Variants in TUSC3 observed in about 807,000 individuals in gnomAD.
The protein encoded by TUSC3 is tumor suppressor candidate 3, also known as dolichyl-diphosphooligosaccharide--protein glycosyltransferase subunit TUSC3.
A neutral mutation model predicts 44.8 loss-of-function variants in TUSC3; 45 were observed. That is an observed-to-expected ratio of 1.00 (90% confidence interval 0.79 to 1.29). The LOEUF is 1.29. Among genes scored for constraint, TUSC3 ranks in the 50% most tolerant of loss-of-function variants. TUSC3 has a pLI of 0.00. For missense variants in TUSC3, 519 were observed against 437.9 expected (o/e 1.19, Z -1.65); for synonymous variants, 212 against 152.9 (o/e 1.39, Z -2.85).
At chr8:15,567,521 A>G (rs1302357988) in intron 1 of TUSC3, among the ~76,000 whole-genome samples, 2 of 152,304 alleles carry the variant, frequency 1.3e-5, no homozygotes, top group Admixed American at 1.3e-4. Context: ...AAGTATCATA[A>G]TCCTGACAGG....
rs563967464 is a variant in TUSC3 at position 15,664,515 on chromosome 8, T to A, written c.708+2219T>A. Among the ~76,000 whole-genome samples, 301 of 148,950 alleles carry A rather than the reference T, an allele frequency of 2.0e-3. 2 individuals carry two copies. The highest frequency in any genetic ancestry group is 7.1e-3 in the African/African-American group (290 of 41,078). On this transcript the variant is annotated intron_variant, in intron 5 of 10. Transcript: ENST00000503731. ...TTACTGTGAATCTTGGAAAGCGAAT[T>A]AACTTGGCATGGCAGAAGATAAATT... is the stretch of plus-strand genomic sequence containing the variant.
At chr8:15,764,055 G>T (rs1265804461) in intron 10 of TUSC3, 148 bp from the exon 11 acceptor site, 17 of 779,082 alleles carry the variant, frequency 2.2e-5, no homozygotes, top group Non-Finnish European at 3.4e-5. Context: ...TAGAAAAATT[G>T]CCCTGATGTA....
At chr8:15,635,934 C>T (rs537435448) in intron 2 of TUSC3, among the ~76,000 whole-genome samples, 15 of 152,194 alleles carry the variant, frequency 9.9e-5, no homozygotes, top group South Asian at 4.2e-4. Context: ...GTGACTAGTT[C>T]GCATGTGTGA....
the TUSC3 span, among the ~76,000 whole-genome samples, chr8:15,832,227 C>G: frequency 5.3e-5 from 8 of 152,132 alleles, no homozygotes; most frequent in Non-Finnish European, 1.0e-4. Context: ...AAGATCCTTT[C>G]TAGGCAAGCA....
the TUSC3 span, among the ~76,000 whole-genome samples, chr8:15,817,606 CCT>C: frequency 6.6e-6 from 1 of 151,642 alleles, no homozygotes; most frequent in Admixed American, 6.6e-5. Flanking sequence ...TTCCCCTCCA[CCT>C]CTGCTCTGCA....
In TUSC3 at chr8:15,716,249, CTT is replaced by C. The variant is rs541560975; in HGVS notation, c.799-14415_799-14414del. Among the ~76,000 whole-genome samples, 303 of 152,118 alleles carry C rather than the reference CTT, an allele frequency of 2.0e-3. 2 individuals carry two copies. The Middle Eastern group carries it at 0.024, about 12-fold the overall frequency. ...CCAGCCTGGGCGACAGAGTGAGACT[CTT>C]TCTCCAGAAGAAAAAAACAAAAATT... On this transcript the variant is annotated intron_variant, in intron 6 of 10. Coordinates refer to ENST00000503731, the MANE Select transcript of TUSC3 (RefSeq NM_006765.4).
chr8:15,671,984 A>G (rs1468391512), intron 5 of TUSC3, among the ~76,000 whole-genome samples: 3 of 152,036 alleles, frequency 2.0e-5, no homozygotes, highest in African/African-American at 7.2e-5. Flanking sequence ...GTAATTGTCA[A>G]ATGAGTAAAA....
chr8:15,474,330 A>T (rs1429289289), intron 1 of TUSC3, among the ~76,000 whole-genome samples: 1 of 152,174 alleles, frequency 6.6e-6, no homozygotes, highest in Non-Finnish European at 1.5e-5. Flanking sequence ...AGTGGTCCTG[A>T]GGTGATGTAC....
At chr8:15,498,773 C>T (rs1016876571) in intron 2 of TUSC3, among the ~76,000 whole-genome samples, 3 of 152,148 alleles carry the variant, frequency 2.0e-5, no homozygotes, top group African/African-American at 7.2e-5. Context: ...TTCCTTCCTG[C>T]TGACCCAGTT....
intron 2 of TUSC3, among the ~76,000 whole-genome samples, chr8:15,632,754 T>G (rs530303511): frequency 6.6e-6 from 1 of 152,340 alleles, no homozygotes; most frequent in East Asian, 1.9e-4. Flanking sequence ...ACCTTTTGTT[T>G]TGAGTATTCC....
intron 6 of TUSC3, among the ~76,000 whole-genome samples, chr8:15,700,332 G>A (rs1809343357): frequency 6.6e-6 from 1 of 152,050 alleles, no homozygotes; most frequent in Non-Finnish European, 1.5e-5. Context: ...CTGAATTCCT[G>A]TATTTGTGAA....
chr8:15,806,491 A>C, the TUSC3 span: 1 of 1,012,938 alleles, frequency 9.9e-7, no homozygotes, highest in African/African-American at 1.6e-5. Context: ...CGACTATTTC[A>C]TTGTAAACTT....
At chr8:15,546,596 C>G (rs1001141116) in intron 1 of TUSC3, among the ~76,000 whole-genome samples, 2 of 151,488 alleles carry the variant, frequency 1.3e-5, no homozygotes, top group Non-Finnish European at 2.9e-5. Flanking sequence ...AGTGCAATGG[C>G]GCAAACTTGG....
chr8:15,847,622 C>G, the TUSC3 span, among the ~76,000 whole-genome samples: 1 of 152,096 alleles, frequency 6.6e-6, no homozygotes, highest in Non-Finnish European at 1.5e-5. Context: ...TTAAAAAGCT[C>G]TTGTTTGGAA....
At chr8:15,792,255 G>T in the TUSC3 span, among the ~76,000 whole-genome samples, 3 of 152,126 alleles carry the variant, frequency 2.0e-5, no homozygotes, top group Non-Finnish European at 4.4e-5. Context: ...AAATAGGTTG[G>T]CTCTCATATT....
At chr8:15,838,955 G>C in the TUSC3 span, among the ~76,000 whole-genome samples, 3 of 152,196 alleles carry the variant, frequency 2.0e-5, no homozygotes, top group East Asian at 3.9e-4. Context: ...GGGCAGTATG[G>C]CCATTTTCAC....
intron 1 of TUSC3, among the ~76,000 whole-genome samples, chr8:15,466,171 G>T (rs1800411631): frequency 6.6e-6 from 1 of 152,086 alleles, no homozygotes; most frequent in African/African-American, 2.4e-5. Flanking sequence ...TATGTTAAAG[G>T]TTGTTTTTCT....
In TUSC3 at chr8:15,623,140, C is replaced by G. The variant is rs556175851; in HGVS notation, c.199C>G (p.Arg67Gly). 5.0e-6 allele frequency: 8 copies of G among 1,613,648 alleles called. No individual in the cohort carries two copies. The highest frequency in any genetic ancestry group is 1.1e-5 in the South Asian group (1 of 91,010). Reference sequence around the variant, plus strand: ...ATGGAGTTCCAGACGCTCAATCTTCCGAATGAATGGTGATAAATTCCGAAA... The same window carrying G: ...ATGGAGTTCCAGACGCTCAATCTTCGGAATGAATGGTGATAAATTCCGAAA... ...MEWSSRRSIF[R>G]MNGDKFRKFI... is the part of the protein sequence containing the mutation. Residue 67 changes from arginine (R) to glycine (G), a missense_variant, in exon 2 of 11, where the codon CGA becomes GGA. By Grantham distance (125) the Arg-to-Gly change is moderately radical (BLOSUM62 -2). Transcript: ENST00000503731.
At chr8:15,559,648 G>A (rs1802383867) in intron 1 of TUSC3, among the ~76,000 whole-genome samples, 1 of 138,004 alleles carries the variant, frequency 7.2e-6, no homozygotes, top group African/African-American at 2.7e-5. Flanking sequence ...AATTCTCTTT[G>A]TAGGTCACTC....
Sources: allele counts gnomAD v4.1 joint callset (sites outside exome capture counted in the v4.1 genomes callset), GRCh38; gene constraint gnomAD v4.1.1; transcripts MANE v1.5; gene names NCBI Gene and HGNC (gene_info 2026-07-23, HGNC 2026-07-21).